Variants in PRKCA observed in about 807,000 individuals in gnomAD.
PRKCA encodes the protein protein kinase C alpha, also known as protein kinase C alpha type.
In PRKCA, 27 loss-of-function variants were observed where a neutral mutation model predicts 87.0. The ratio of observed to expected loss-of-function variants is 0.31; its 90% CI spans 0.23 to 0.43. The LOEUF is 0.43. Among genes scored for constraint, PRKCA ranks in the 20% least tolerant of loss-of-function variants. PRKCA has a pLI of 1.00. For missense variants in PRKCA, 518 were observed against 852.3 expected, an observed-to-expected ratio of 0.61 and a Z score of 4.88; for synonymous variants, 329 against 311.1, an observed-to-expected ratio of 1.06 and a Z score of -0.61.
In PRKCA at chr17:66,766,100, C is replaced by T. The variant is rs552370226; in HGVS notation, c.1525-7887C>T. On this transcript the variant is annotated intron_variant, in intron 13 of 16. Transcript: ENST00000413366. Reference sequence around the variant, plus strand: ...AATCTTGGCCCAGTGGCTGAGCAGGCGGGCTCTATGCGGCTGATGAGGATG... The same window carrying T: ...AATCTTGGCCCAGTGGCTGAGCAGGTGGGCTCTATGCGGCTGATGAGGATG... Among the ~76,000 whole-genome samples the T allele has an allele frequency of 2.0e-5, 3 of 152,292 alleles. No individual in the cohort carries two copies. In the East Asian group the frequency reaches 5.8e-4, roughly 30 times the overall value.
At chr17:66,446,266 TTCACAC>T (rs1885135825) in intron 2 of PRKCA, among the ~76,000 whole-genome samples, 5 of 151,698 alleles carry the variant, frequency 3.3e-5, no homozygotes, top group Non-Finnish European at 5.9e-5. Context: ...CACTCACACA[TTCACAC>T]TCACACTCCC....
chr17:66,540,230 A>G (rs1967934734), intron 3 of PRKCA, among the ~76,000 whole-genome samples: 1 of 152,196 alleles, frequency 6.6e-6, no homozygotes, highest in South Asian at 2.1e-4. Flanking sequence ...CTGATTCATC[A>G]TTGTTGTTCA....
intron 3 of PRKCA, among the ~76,000 whole-genome samples, chr17:66,503,848 G>A (rs912965286): frequency 6.6e-6 from 1 of 152,016 alleles, no homozygotes; most frequent in African/African-American, 2.4e-5. Flanking sequence ...CTGTTTTTTC[G>A]AAGTGTACTT....
At chr17:66,577,863 C>T (rs536563155) in intron 3 of PRKCA, among the ~76,000 whole-genome samples, 1 of 151,970 alleles carries the variant, frequency 6.6e-6, no homozygotes, top group Non-Finnish European at 1.5e-5. Flanking sequence ...GGGGTGCTGC[C>T]CTAGCCTGTT....
intron 2 of PRKCA, among the ~76,000 whole-genome samples, chr17:66,368,562 T>C (rs1450166976): frequency 6.6e-6 from 1 of 150,980 alleles, no homozygotes; most frequent in Non-Finnish European, 1.5e-5. Context: ...GGCTAATTTT[T>C]GTATTTTTTT....
At chr17:66,351,860 C>T (rs1178468420) in intron 2 of PRKCA, among the ~76,000 whole-genome samples, 2 of 152,222 alleles carry the variant, frequency 1.3e-5, no homozygotes, top group African/African-American at 2.4e-5. Flanking sequence ...AGGCACTGCT[C>T]TTTCACCCCG....
chr17:66,646,391 C>T (rs567070380), intron 5 of PRKCA, among the ~76,000 whole-genome samples: 1 of 152,288 alleles, frequency 6.6e-6, no homozygotes, highest in South Asian at 2.1e-4. Flanking sequence ...GGCTTGAGTT[C>T]TCGGTACCAT....
chr17:66,487,903 T>C (rs1916055458), intron 2 of PRKCA, among the ~76,000 whole-genome samples: 1 of 152,202 alleles, frequency 6.6e-6, no homozygotes, highest in African/African-American at 2.4e-5. Flanking sequence ...CTGTAGGTTG[T>C]TTCTTCACTT....
chr17:66,475,263 A>G (rs1915490649), intron 2 of PRKCA, among the ~76,000 whole-genome samples: 1 of 151,394 alleles, frequency 6.6e-6, no homozygotes, highest in African/African-American at 2.4e-5. Flanking sequence ...GTTGTATGGA[A>G]CTCTCACCTC....
intron 2 of PRKCA, among the ~76,000 whole-genome samples, chr17:66,434,577 G>C (rs1234570917): frequency 6.6e-6 from 1 of 152,118 alleles, no homozygotes; most frequent in Non-Finnish European, 1.5e-5. Context: ...CTGGCATTTT[G>C]ACGATTTCCC....
At chr17:66,787,597 A>G (rs1262676104) in intron 15 of PRKCA, among the ~76,000 whole-genome samples, 1 of 152,156 alleles carries the variant, frequency 6.6e-6, no homozygotes, top group Non-Finnish European at 1.5e-5. Context: ...CAAATCATCA[A>G]TATGCTGATA....
intron 5 of PRKCA, among the ~76,000 whole-genome samples, chr17:66,669,043 A>G (rs1289061953): frequency 6.6e-6 from 1 of 152,106 alleles, no homozygotes; most frequent in African/African-American, 2.4e-5. Context: ...TCAAGGCTGC[A>G]GTGAGCTATG....
intron 3 of PRKCA, among the ~76,000 whole-genome samples, chr17:66,499,521 A>C (rs1916635379): frequency 6.6e-6 from 1 of 152,152 alleles, no homozygotes. Flanking sequence ...GATGCCTGTT[A>C]ATTATTTTTG....
intron 8 of PRKCA, among the ~76,000 whole-genome samples, chr17:66,717,509 T>C (rs1973508048): frequency 6.6e-6 from 1 of 152,238 alleles, no homozygotes; most frequent in Non-Finnish European, 1.5e-5. Context: ...TCCTCATCTG[T>C]AACATGGGCA....
chr17:66,371,321 C>T (rs1909093306), intron 2 of PRKCA, among the ~76,000 whole-genome samples: 1 of 152,206 alleles, frequency 6.6e-6, no homozygotes, highest in Non-Finnish European at 1.5e-5. Context: ...ACCACCTGTT[C>T]TGCATGAGAG....
chr17:66,665,243 A>T (rs372431282), intron 5 of PRKCA, among the ~76,000 whole-genome samples: 15 of 152,248 alleles, frequency 9.9e-5, no homozygotes, highest in African/African-American at 3.6e-4. Flanking sequence ...TGAAACTCTT[A>T]CCTTCATTTA....
At chr17:66,407,497 C>T (rs763957907) in intron 2 of PRKCA, among the ~76,000 whole-genome samples, 5 of 152,068 alleles carry the variant, frequency 3.3e-5, no homozygotes, top group East Asian at 1.9e-4. Context: ...CCTGCAGTAC[C>T]GTGAGCCAGT....
chr17:66,707,009 C>T (rs1218910686), intron 8 of PRKCA, among the ~76,000 whole-genome samples: 1 of 152,128 alleles, frequency 6.6e-6, no homozygotes, highest in African/African-American at 2.4e-5. Context: ...CTTGTTAGTG[C>T]AGGACCCAGA....
chr17:66,439,580 C>T (rs1192887970), intron 2 of PRKCA, among the ~76,000 whole-genome samples: 1 of 152,206 alleles, frequency 6.6e-6, no homozygotes, highest in Non-Finnish European at 1.5e-5. Flanking sequence ...ATACGTGTCT[C>T]TCAAATAGCT....
Sources: gnomAD v4.1 joint callset for allele counts (sites outside exome capture counted in the v4.1 genomes callset) on GRCh38, gnomAD v4.1.1 for gene constraint, MANE v1.5 for transcripts, NCBI Gene and HGNC (gene_info 2026-07-23, HGNC 2026-07-21) for gene names.